SYT1: variants seen among roughly 807,000 people sequenced by gnomAD.
The protein encoded by SYT1 is synaptotagmin 1, also known as synaptotagmin-1.
A neutral mutation model predicts 44.8 loss-of-function variants in SYT1; 8 were observed. The observed-to-expected ratio is 0.18, with a 90% CI of 0.10 to 0.32. SYT1 has a LOEUF of 0.32. Ranked by LOEUF, SYT1 falls within the 10% of genes least tolerant of loss-of-function variation. The pLI is 1.00. For synonymous variants in SYT1, 154 were observed against 188.8 expected (o/e 0.82, Z 1.51); for missense variants, 286 against 509.3 (o/e 0.56, Z 4.22).
Position 79,078,590 on chromosome 12 carries a change from A to G in SYT1, c.-18+31228A>G, listed in dbSNP as rs374811295. Among the ~76,000 whole-genome samples the G allele has an allele frequency of 3.8e-4, 58 of 152,076 alleles. 1 individual carries two copies. The East Asian group carries it at 8.3e-3, about 22-fold the overall frequency. ...TGTGCAGGATGTACAGGTTTGTTAC[A>G]TAGGTAAACCTGTGTATGGTGGTTT... On this transcript the variant is annotated intron_variant, in intron 3 of 10. Transcript: ENST00000261205.
intron 3 of SYT1, among the ~76,000 whole-genome samples, chr12:79,125,327 G>T (rs967414601): frequency 6.6e-6 from 1 of 151,884 alleles, no homozygotes; most frequent in East Asian, 1.9e-4. Flanking sequence ...AAAATGTTCA[G>T]AGGCTGGGCG....
intron 4 of SYT1, among the ~76,000 whole-genome samples, chr12:79,285,151 C>G (rs1477391427): frequency 6.6e-6 from 1 of 152,154 alleles, no homozygotes; most frequent in African/African-American, 2.4e-5. Context: ...TTTCAAATCA[C>G]CAAGTACTTT....
chr12:79,287,657 C>T (rs1235751441), intron 5 of SYT1, among the ~76,000 whole-genome samples: 4 of 152,190 alleles, frequency 2.6e-5, no homozygotes, highest in East Asian at 1.9e-4. Context: ...TAAGTGATAA[C>T]GATAGCATTT....
intron 6 of SYT1, among the ~76,000 whole-genome samples, chr12:79,292,334 A>G (rs756631617): frequency 1.1e-4 from 16 of 152,326 alleles, no homozygotes; most frequent in Admixed American, 2.6e-4. Context: ...ACAGTATTCA[A>G]CCGATTACAT....
chr12:79,214,822 C>A (rs776315161), intron 3 of SYT1, among the ~76,000 whole-genome samples: 1 of 151,972 alleles, frequency 6.6e-6, no homozygotes, highest in Non-Finnish European at 1.5e-5. Context: ...AGCCATAAGT[C>A]CTCAAATATC....
Position 79,403,622 on chromosome 12 carries a change from T to C in SYT1, c.929-40451T>C, listed in dbSNP as rs531175125. Among the ~76,000 whole-genome samples the C allele has an allele frequency of 2.0e-5, 3 of 152,134 alleles. No individual in the cohort carries two copies. The South Asian group carries it at 6.2e-4, about 32-fold the overall frequency. ...GACACAATTTCACCCATAAAATACC[T>C]CAGTGGGTTTTATTATGATCTAGAT... On this transcript the variant is annotated intron_variant, in intron 9 of 10. Transcript: ENST00000261205.
rs146197678 is a variant in SYT1, at chr12:79,295,391, C to T, written c.475-678C>T. ...TTGGAAAAAATAAAAAACACAGTTACTCACCATTAAAAAACCTCACCTCTA... is the reference window on the plus strand; with the variant it reads ...TTGGAAAAAATAAAAAACACAGTTATTCACCATTAAAAAACCTCACCTCTA... On this transcript the variant is annotated intron_variant, in intron 6 of 10. Transcript: ENST00000261205. 6.1e-4 allele frequency among the ~76,000 whole-genome samples: 93 copies of T among 152,192 alleles called. 1 individual carries two copies. Among genetic ancestry groups the T allele is most frequent in the African/African-American group, 2.2e-3 (90 of 41,536 alleles).
At chr12:78,917,237 T>C (rs1221079008) in intron 1 of SYT1, among the ~76,000 whole-genome samples, 1 of 152,096 alleles carries the variant, frequency 6.6e-6, no homozygotes, top group Non-Finnish European at 1.5e-5. Context: ...TTTCAAGAAT[T>C]TGAAGACAGT....
intron 2 of SYT1, among the ~76,000 whole-genome samples, chr12:78,982,441 C>T (rs151288897): frequency 1.0e-3 from 155 of 152,270 alleles, no homozygotes; most frequent in African/African-American, 3.7e-3. Context: ...AATTGTTCAT[C>T]TTTCATTGAA....
chr12:79,293,614 A>T (rs1879741633), intron 6 of SYT1, among the ~76,000 whole-genome samples: 1 of 152,142 alleles, frequency 6.6e-6, no homozygotes, highest in African/African-American at 2.4e-5. Context: ...CATCTTTGAT[A>T]ACTAACATCC....
At chr12:78,988,326 T>G (rs1356518327) in intron 2 of SYT1, among the ~76,000 whole-genome samples, 1 of 150,248 alleles carries the variant, frequency 6.7e-6, no homozygotes, top group African/African-American at 2.4e-5. Context: ...TATCTTTATA[T>G]CAATAAATCA....
intron 1 of SYT1, among the ~76,000 whole-genome samples, chr12:78,919,258 G>A (rs1391838242): frequency 3.3e-5 from 5 of 151,960 alleles, no homozygotes; most frequent in Non-Finnish European, 1.5e-5. Flanking sequence ...TACCTCTGGG[G>A]ACCTTGAGCA....
intron 2 of SYT1, among the ~76,000 whole-genome samples, chr12:79,042,057 G>A (rs1416176168): frequency 6.7e-6 from 1 of 150,278 alleles, no homozygotes; most frequent in Non-Finnish European, 1.5e-5. Context: ...TTGCATCAAT[G>A]TTCATCAAGG....
intron 8 of SYT1, among the ~76,000 whole-genome samples, chr12:79,314,045 T>G (rs1193955655): frequency 2.7e-5 from 4 of 150,526 alleles, no homozygotes; most frequent in Admixed American, 6.6e-5. Flanking sequence ...AGCGGGCGCC[T>G]GTAGTCCCAG....
intron 1 of SYT1, among the ~76,000 whole-genome samples, chr12:78,970,460 T>C (rs112840665): frequency 1.3e-5 from 2 of 152,276 alleles, no homozygotes; most frequent in African/African-American, 4.8e-5. Context: ...AACTCAGTAG[T>C]ATTATAAACA....
At chr12:78,979,394 T>C (rs555550039) in intron 2 of SYT1, among the ~76,000 whole-genome samples, 6 of 152,242 alleles carry the variant, frequency 3.9e-5, no homozygotes, top group African/African-American at 1.4e-4. Flanking sequence ...AAAATACATG[T>C]TCTGAGTTCC....
At chr12:79,165,452 T>C (rs1871174885) in intron 3 of SYT1, among the ~76,000 whole-genome samples, 1 of 152,132 alleles carries the variant, frequency 6.6e-6, no homozygotes, top group Middle Eastern at 3.4e-3. Flanking sequence ...AAAATTATAA[T>C]GTTCTTTAAG....
intron 1 of SYT1, among the ~76,000 whole-genome samples, chr12:78,966,041 C>T (rs1879753681): frequency 7.0e-6 from 1 of 142,854 alleles, no homozygotes; most frequent in Non-Finnish European, 1.5e-5. Context: ...CACGCCACTG[C>T]ATTCTAGCTT....
At chr12:79,088,738 CTGTGTGTGTGTG>C (rs571903732) in intron 3 of SYT1, among the ~76,000 whole-genome samples, 161 of 137,262 alleles carry the variant, frequency 1.2e-3, no homozygotes, top group African/African-American at 3.5e-3. Context: ...GGCTTTGGGC[CTGTGTGTGTGTG>C]TGTGTGTGTG....
Sources: gnomAD v4.1 joint callset for allele counts (sites outside exome capture counted in the v4.1 genomes callset) on GRCh38, gnomAD v4.1.1 for gene constraint, MANE v1.5 for transcripts, NCBI Gene and HGNC (gene_info 2026-07-23, HGNC 2026-07-21) for gene names.